PCDH15: variants seen among roughly 807,000 people sequenced by gnomAD.
PCDH15 encodes protocadherin related 15.
In PCDH15, 129 loss-of-function variants were observed where a neutral mutation model predicts 178.5. The ratio of observed to expected loss-of-function variants is 0.72; its 90% CI spans 0.63 to 0.84. The LOEUF is 0.84. Ranked by LOEUF, PCDH15 falls within the 40% of genes least tolerant of loss-of-function variation. The pLI is 0.00. For synonymous variants in PCDH15, 800 were observed against 732.0 expected (o/e 1.09, Z -1.50); for missense variants, 2,230 against 2,099.9 (o/e 1.06, Z -1.21).
chr10:53,901,272 T>C (rs556041994), intron 26 of PCDH15, among the ~76,000 whole-genome samples: 8 of 152,132 alleles, frequency 5.3e-5, no homozygotes, highest in Non-Finnish European at 8.8e-5. Flanking sequence ...GGTTTCTGTA[T>C]TGAAAAAGCC....
intron 2 of PCDH15, among the ~76,000 whole-genome samples, chr10:55,422,120 T>G (rs1838636371): frequency 6.6e-6 from 1 of 151,772 alleles, no homozygotes; most frequent in Non-Finnish European, 1.5e-5. Context: ...TCACTCTCTA[T>G]TCACCGCTAC....
At chr10:54,117,929 G>A (rs1319422692) in intron 15 of PCDH15, among the ~76,000 whole-genome samples, 1 of 152,152 alleles carries the variant, frequency 6.6e-6, no homozygotes, top group East Asian at 1.9e-4. Flanking sequence ...GCCAGGGGCA[G>A]GCCCAAAAGC....
At chr10:54,332,195 C>G (rs1473345193) in intron 6 of PCDH15, among the ~76,000 whole-genome samples, 10 of 137,032 alleles carry the variant, frequency 7.3e-5, no homozygotes, top group African/African-American at 2.7e-4. Flanking sequence ...AATAAATTAC[C>G]TTTTTGGTTA....
rs1225808833 is a variant in PCDH15 at position 54,307,022 on chromosome 10, ATATATATGTGTG to A, written c.876+10237_876+10248del. ...TAAATATATATATATATACATATAT[ATATATATGTGTG>A]TGTGTGTATATATATATATATATAT... On this transcript the variant is annotated intron_variant, in intron 8 of 37. Transcript: ENST00000644397. Among the ~76,000 whole-genome samples, 39 of 30,450 alleles carry A rather than the reference ATATATATGTGTG, an allele frequency of 1.3e-3. 4 individuals carry two copies. Among genetic ancestry groups the A allele is most frequent in the African/African-American group, 4.7e-3 (39 of 8,214 alleles). 20.0% of individuals were successfully genotyped at this position (30,450 alleles called of 152,430 possible). A position where few individuals can be genotyped will look rare whatever the true frequency, so the allele number is the denominator to read the frequency against.
chr10:55,048,859 A>G (rs894566227), intron 2 of PCDH15, among the ~76,000 whole-genome samples: 1 of 151,952 alleles, frequency 6.6e-6, no homozygotes, highest in Non-Finnish European at 1.5e-5. Context: ...GTGTAAGGTA[A>G]AAAGCAAGAT....
chr10:54,138,905 T>G (rs1303241977), intron 14 of PCDH15, among the ~76,000 whole-genome samples: 1 of 149,986 alleles, frequency 6.7e-6, no homozygotes, highest in Non-Finnish European at 1.5e-5. Context: ...ATGTATTACG[T>G]TTTTTTTTGT....
intron 1 of PCDH15, among the ~76,000 whole-genome samples, chr10:55,186,761 A>AT (rs926400444): frequency 1.6e-5 from 2 of 128,492 alleles, no homozygotes; most frequent in African/African-American, 3.0e-5. Flanking sequence ...GTGTGTGTGT[A>AT]TTTTTTTTTC....
intron 2 of PCDH15, among the ~76,000 whole-genome samples, chr10:55,577,068 C>T (rs1399693514): frequency 6.6e-6 from 1 of 151,986 alleles, no homozygotes; most frequent in South Asian, 2.1e-4. Context: ...ATGGTGAAAC[C>T]CTGTCTCTGC....
chr10:55,365,085 C>T (rs1845323191), intron 2 of PCDH15, among the ~76,000 whole-genome samples: 2 of 152,036 alleles, frequency 1.3e-5, no homozygotes, highest in African/African-American at 4.8e-5. Flanking sequence ...CCAGTAATTT[C>T]AACATTTTTT....
At chr10:54,918,923 T>C (rs1336431025) in intron 2 of PCDH15, among the ~76,000 whole-genome samples, 1 of 152,154 alleles carries the variant, frequency 6.6e-6, no homozygotes, top group Non-Finnish European at 1.5e-5. Context: ...ACCTTAAACA[T>C]GAGCAGAACA....
chr10:55,364,940 T>G (rs1845319400), intron 2 of PCDH15, among the ~76,000 whole-genome samples: 1 of 152,148 alleles, frequency 6.6e-6, no homozygotes, highest in African/African-American at 2.4e-5. Flanking sequence ...TTTTGTCAAT[T>G]ATAAATTTTT....
chr10:53,851,722 A>ATT (rs2078387589), intron 28 of PCDH15, among the ~76,000 whole-genome samples: 2 of 109,000 alleles, frequency 1.8e-5, no homozygotes, highest in Non-Finnish European at 4.1e-5. Context: ...ATATATATAT[A>ATT]TTTACACACA....
chr10:55,194,604 A>G (rs1200913853), intron 1 of PCDH15, among the ~76,000 whole-genome samples: 1 of 152,036 alleles, frequency 6.6e-6, no homozygotes, highest in Non-Finnish European at 1.5e-5. Context: ...TTTCAAGTAG[A>G]TTATCATTTT....
Position 55,419,744 on chromosome 10 carries a change from A to G in PCDH15, c.-156+207881T>C, listed in dbSNP as rs557217687. On this transcript the variant is annotated intron_variant, in intron 2 of 5. Transcript: ENST00000613346. ...CATACCCATTTCTTTCATATTATCT[A>G]TAGTTGCTTTAGGGCTACAAGTGTT... Among the ~76,000 whole-genome samples, 3 of 103,188 alleles carry G rather than the reference A, an allele frequency of 2.9e-5. No homozygotes were observed. The South Asian group carries it at 7.5e-4, about 26-fold the overall frequency. The allele number at this position is 103,188 out of a possible 152,430, so 67.7% of individuals were successfully genotyped here.
intron 13 of PCDH15, among the ~76,000 whole-genome samples, chr10:54,180,583 G>T (rs2047893334): frequency 6.6e-6 from 1 of 152,144 alleles, no homozygotes; most frequent in Non-Finnish European, 1.5e-5. Flanking sequence ...ATGGGGAAAG[G>T]CAGGGTTGTG....
intron 1 of PCDH15, among the ~76,000 whole-genome samples, chr10:54,784,881 T>G (rs1950698614): frequency 6.6e-6 from 1 of 152,048 alleles, no homozygotes; most frequent in Admixed American, 6.6e-5. Flanking sequence ...AATTAATTTT[T>G]ATATATTTTA....
At chr10:53,978,753 C>T (rs1320688843) in intron 21 of PCDH15, among the ~76,000 whole-genome samples, 1 of 149,210 alleles carries the variant, frequency 6.7e-6, no homozygotes, top group Non-Finnish European at 1.5e-5. Flanking sequence ...TTAGAAATTT[C>T]TTCCACCAGG....
intron 2 of PCDH15, among the ~76,000 whole-genome samples, chr10:55,555,723 G>A (rs1025828253): frequency 2.0e-5 from 3 of 152,084 alleles, no homozygotes; most frequent in Admixed American, 6.6e-5. Context: ...AGGGTGCTTA[G>A]TGGATTTTTT....
chr10:55,148,955 C>T (rs1838607540), intron 2 of PCDH15, among the ~76,000 whole-genome samples: 1 of 150,832 alleles, frequency 6.6e-6, no homozygotes, highest in African/African-American at 2.4e-5. Context: ...ATCTTAGACA[C>T]TAAAGAGGAA....
Sources: gnomAD v4.1 joint callset for allele counts (sites outside exome capture counted in the v4.1 genomes callset) on GRCh38, gnomAD v4.1.1 for gene constraint, MANE v1.5 for transcripts, NCBI Gene and HGNC (gene_info 2026-07-23, HGNC 2026-07-21) for gene names.